Variants in SMIM14 observed in about 807,000 individuals in gnomAD.
The protein encoded by SMIM14 is small integral membrane protein 14, also known as chromosome 4 open reading frame 34.
SMIM14 carries 5 observed loss-of-function variants against 12.6 expected under a neutral mutation model. The ratio of observed to expected loss-of-function variants is 0.40; its 90% CI spans 0.21 to 0.83. The LOEUF (loss-of-function observed/expected upper bound fraction) is 0.83. Ranked by LOEUF, SMIM14 falls within the 40% of genes least tolerant of loss-of-function variation. The pLI is 0.37. For synonymous variants in SMIM14, 30 were observed against 40.1 expected (o/e 0.75, Z 0.95); for missense variants, 86 against 119.1 (o/e 0.72, Z 1.29).
Position 39,576,660 on chromosome 4 carries a change from GTATATA to G in SMIM14, c.76-4203_76-4198del, listed in dbSNP as rs1298743756. ...CTTATACCTATGTGTGTGTGTATGT[GTATATA>G]TATATATATATATATATATTTTTTT... On this transcript the variant is annotated intron_variant, in intron 2 of 4. Transcript: ENST00000295958. 6.8e-3 allele frequency among the ~76,000 whole-genome samples: 493 copies of G among 72,354 alleles called. 16 individuals carry two copies. The highest frequency in any genetic ancestry group is 9.5e-3 in the Non-Finnish European group (413 of 43,362). The allele number at this position is 72,354 out of a possible 152,430, so 47.5% of individuals were successfully genotyped here. A position where few individuals can be genotyped will look rare whatever the true frequency, so the allele number is the denominator to read the frequency against.
At chr4:39,629,167 C>A (rs1451224926) in intron 1 of SMIM14, among the ~76,000 whole-genome samples, 1 of 151,714 alleles carries the variant, frequency 6.6e-6, no homozygotes, top group Non-Finnish European at 1.5e-5. Context: ...TCGAGACCAG[C>A]CCGGCTAACA....
intron 3 of SMIM14, among the ~76,000 whole-genome samples, chr4:39,570,625 C>T (rs1015553214): frequency 1.3e-5 from 2 of 151,870 alleles, no homozygotes; most frequent in African/African-American, 4.8e-5. Context: ...ATCATTTAAA[C>T]GCTGGTGCTT....
At chr4:39,629,521 C>A (rs1265461523) in intron 1 of SMIM14, among the ~76,000 whole-genome samples, 1 of 149,816 alleles carries the variant, frequency 6.7e-6, no homozygotes, top group Non-Finnish European at 1.5e-5. Flanking sequence ...TGGCTCACTG[C>A]ATCCTTGACC....
intron 3 of SMIM14, among the ~76,000 whole-genome samples, chr4:39,561,742 T>C (rs1712318575): frequency 6.6e-6 from 1 of 151,912 alleles, no homozygotes. Context: ...CAACATGGTG[T>C]TGGCCATCTC....
intron 1 of SMIM14, among the ~76,000 whole-genome samples, chr4:39,634,383 T>G (rs1051980967): frequency 1.3e-5 from 2 of 152,100 alleles, no homozygotes; most frequent in African/African-American, 4.8e-5. Context: ...AACACAATTC[T>G]AAACTCTGTA....
intron 2 of SMIM14, among the ~76,000 whole-genome samples, chr4:39,583,706 C>T (rs1713632851): frequency 6.6e-6 from 1 of 152,078 alleles, no homozygotes; most frequent in African/African-American, 2.4e-5. Flanking sequence ...CATACGTGTA[C>T]ACATTTTTCT....
intron 3 of SMIM14, among the ~76,000 whole-genome samples, chr4:39,565,930 A>T (rs6531725): frequency 0.7 from 106,642 of 151,480 alleles, 37,720 homozygotes; most frequent in East Asian, 0.9. Flanking sequence ...TCTTCTCTTG[A>T]CTGCCACCAT....
chr4:39,630,324 T>G (rs1715853278), intron 1 of SMIM14, among the ~76,000 whole-genome samples: 1 of 152,130 alleles, frequency 6.6e-6, no homozygotes, highest in Admixed American at 6.6e-5. Flanking sequence ...GAGGATAACT[T>G]GAGCCCAGGA....
At chr4:39,606,813 A>C (rs1296700605) in intron 1 of SMIM14, among the ~76,000 whole-genome samples, 3 of 152,114 alleles carry the variant, frequency 2.0e-5, no homozygotes, top group African/African-American at 7.2e-5. Flanking sequence ...TGGTATCCCT[A>C]AGTTGGGGAG....
chr4:39,563,333 A>G (rs1260588536), intron 3 of SMIM14, among the ~76,000 whole-genome samples: 1 of 152,142 alleles, frequency 6.6e-6, no homozygotes. Context: ...AAGTGATGGG[A>G]TTACAGGCAT....
intron 3 of SMIM14, 33 bp from the exon 4 acceptor site, chr4:39,556,603 A>G (rs1380027751): frequency 1.3e-6 from 2 of 1,545,108 alleles, no homozygotes; most frequent in Non-Finnish European, 1.7e-6. Flanking sequence ...GCATGCTCAC[A>G]ATATTGTTAA....
At chr4:39,591,078 T>A (rs1714053085) in intron 2 of SMIM14, among the ~76,000 whole-genome samples, 2 of 152,148 alleles carry the variant, frequency 1.3e-5, no homozygotes, top group South Asian at 4.1e-4. Context: ...TAAAATTGTA[T>A]AGTATTTACA....
At chr4:39,617,970 G>T (rs1213965279) in intron 1 of SMIM14, among the ~76,000 whole-genome samples, 1 of 152,114 alleles carries the variant, frequency 6.6e-6, no homozygotes, top group African/African-American at 2.4e-5. Context: ...CTTCTCCCAA[G>T]GTGCATCTGC....
chr4:39,581,195 G>C (rs1713473334), intron 2 of SMIM14, among the ~76,000 whole-genome samples: 1 of 151,934 alleles, frequency 6.6e-6, no homozygotes, highest in Non-Finnish European at 1.5e-5. Flanking sequence ...TTTATATTGT[G>C]CATTTTTCTC....
At chr4:39,610,032 C>A (rs529900376) in intron 1 of SMIM14, among the ~76,000 whole-genome samples, 1 of 152,254 alleles carries the variant, frequency 6.6e-6, no homozygotes, top group East Asian at 1.9e-4. Context: ...GCTCTGTCAC[C>A]CAGGTGGGAG....
At chr4:39,572,095 C>A (rs1261304820) in intron 3 of SMIM14, among the ~76,000 whole-genome samples, 1 of 151,966 alleles carries the variant, frequency 6.6e-6, no homozygotes, top group Non-Finnish European at 1.5e-5. Flanking sequence ...TGAGCCACTG[C>A]ACCCAGCCTT....
At chr4:39,575,625 C>A (rs753645705) in intron 2 of SMIM14, among the ~76,000 whole-genome samples, 5 of 152,270 alleles carry the variant, frequency 3.3e-5, no homozygotes, top group Non-Finnish European at 7.4e-5. Flanking sequence ...TGCTCTGTTG[C>A]CCAGGCTAGA....
chr4:39,618,678 C>G (rs948851823), intron 1 of SMIM14, among the ~76,000 whole-genome samples: 1 of 143,118 alleles, frequency 7.0e-6, no homozygotes, highest in Non-Finnish European at 1.5e-5. Flanking sequence ...AAAAAAAAAA[C>G]CAAAGCCCAG....
chr4:39,611,367 A>G (rs772658471), intron 1 of SMIM14, among the ~76,000 whole-genome samples: 39 of 152,294 alleles, frequency 2.6e-4, no homozygotes, highest in Admixed American at 6.5e-4. Context: ...TTAGCTGGGC[A>G]TGGTGGCAGG....
Sources: allele counts gnomAD v4.1 joint callset (sites outside exome capture counted in the v4.1 genomes callset), GRCh38; gene constraint gnomAD v4.1.1; transcripts MANE v1.5; gene names NCBI Gene and HGNC (gene_info 2026-07-23, HGNC 2026-07-21).